The following KCNG2 variants were observed in gnomAD, a reference collection of about 807,000 sequenced individuals.
KCNG2 encodes the protein potassium voltage-gated channel modifier subfamily G member 2.
In KCNG2, 7 loss-of-function variants were observed where a neutral mutation model predicts 12.3. That is an observed-to-expected ratio of 0.57 (90% CI 0.32 to 1.07). The LOEUF (loss-of-function observed/expected upper bound fraction) is 1.07. Ranked by LOEUF, KCNG2 falls within the 50% of genes least tolerant of loss-of-function variation. The probability of loss-of-function intolerance (pLI) is 0.04; values close to 1 mark genes in which losing one functional copy is unlikely to be tolerated. For missense variants in KCNG2, 703 were observed against 726.0 expected, an observed-to-expected ratio of 0.97 and a Z score of 0.36; for synonymous variants, 414 against 351.4, an observed-to-expected ratio of 1.18 and a Z score of -1.99.
At chr18:79,881,652 T>G (rs923279569) in intron 3 of KCNG2, among the ~76,000 whole-genome samples, 2 of 152,202 alleles carry the variant, frequency 1.3e-5, no homozygotes, top group African/African-American at 4.8e-5. Flanking sequence ...CGCTGAAGAC[T>G]CGGTGTGACT....
At chr18:79,872,645 C>T (rs567543873) in intron 3 of KCNG2, among the ~76,000 whole-genome samples, 8 of 152,318 alleles carry the variant, frequency 5.3e-5, no homozygotes, top group Non-Finnish European at 8.8e-5. Flanking sequence ...CAGTACGAGG[C>T]GCAGTTGCGG....
intron 1 of KCNG2, among the ~76,000 whole-genome samples, chr18:79,832,651 T>C (rs1293373866): frequency 6.6e-6 from 1 of 152,190 alleles, no homozygotes; most frequent in Non-Finnish European, 1.5e-5. Flanking sequence ...GCCGTGCAGA[T>C]CATTCGCCCT....
At chr18:79,872,614 C>T (rs888536354) in intron 3 of KCNG2, among the ~76,000 whole-genome samples, 1 of 152,170 alleles carries the variant, frequency 6.6e-6, no homozygotes, top group African/African-American at 2.4e-5. Flanking sequence ...CCTCCCAGGT[C>T]TCCGGTCTCT....
chr18:79,879,908 G>A lies in KCNG2; in HGVS notation c.624+15617G>A, dbSNP rs765997910. ...AGGACAGGAAGGGGCCCCCTGGGTC[G>A]TAGGCGGGTGGCACTAAGCAGTTCT... On this transcript the variant is annotated intron_variant, in intron 3 of 3. Coordinates refer to ENST00000316249, the MANE Select transcript of KCNG2 (RefSeq NM_012283.2). Among the ~76,000 whole-genome samples, 7 of 152,332 alleles carry A rather than the reference G, an allele frequency of 4.6e-5. No homozygotes were observed. In the South Asian group the frequency reaches 1.0e-3, roughly 23 times the overall value.
chr18:79,831,831 C>T (rs1978297815), intron 1 of KCNG2, among the ~76,000 whole-genome samples: 1 of 152,210 alleles, frequency 6.6e-6, no homozygotes, highest in Non-Finnish European at 1.5e-5. Context: ...CGTCCTCCCA[C>T]CCCCACCCTT....
chr18:79,875,951 C>G (rs975029061), intron 3 of KCNG2: 1 of 152,398 alleles, frequency 6.6e-6, no homozygotes, highest in South Asian at 2.1e-4. Context: ...AGAACAGATT[C>G]TCCACTGCAC....
At chr18:79,843,561 T>C (rs1218325794) in intron 1 of KCNG2, among the ~76,000 whole-genome samples, 1 of 152,214 alleles carries the variant, frequency 6.6e-6, no homozygotes, top group Non-Finnish European at 1.5e-5. Flanking sequence ...GGATACATAA[T>C]ATATAATGTA....
chr18:79,829,004 A>G (rs1331371568), intron 1 of KCNG2, among the ~76,000 whole-genome samples: 1 of 93,668 alleles, frequency 1.1e-5, no homozygotes, highest in Non-Finnish European at 2.2e-5. Context: ...TAACATGTCC[A>G]TGATGTGTGC....
At chr18:79,887,848 C>G (rs1412602515) in intron 3 of KCNG2, among the ~76,000 whole-genome samples, 4 of 152,192 alleles carry the variant, frequency 2.6e-5, no homozygotes, top group Admixed American at 6.5e-5. Flanking sequence ...GGGATCCACG[C>G]AGCAGCCCAC....
Position 79,829,173 on chromosome 18 carries a change from C to G in KCNG2, c.-114-27206C>G, listed in dbSNP as rs910668886. Among the ~76,000 whole-genome samples the G allele has an allele frequency of 3.6e-5, 5 of 139,798 alleles. No individual in the cohort carries two copies. The South Asian group carries it at 1.2e-3, about 33-fold the overall frequency. 91.7% of individuals were successfully genotyped at this position (139,798 alleles called of 152,430 possible). A position where few individuals can be genotyped will look rare whatever the true frequency, so the allele number is the denominator to read the frequency against. ...CTATGTGTGCGTGTGTGTAACATGT[C>G]CATGATGTGTGCATGTGTCTGTGTG... On this transcript the variant is annotated intron_variant, in intron 1 of 3. Coordinates refer to ENST00000316249, the MANE Select transcript of KCNG2 (RefSeq NM_012283.2).
At position 79,884,364 on chromosome 18, in the gene KCNG2, C is replaced by T. The variant is rs947690032; in HGVS notation, c.625-14676C>T. Among the ~76,000 whole-genome samples, 1 of 152,224 alleles carries T rather than the reference C, an allele frequency of 6.6e-6. No individual in the cohort carries two copies. The highest frequency in any genetic ancestry group is 2.4e-5 in the African/African-American group (1 of 41,454). On this transcript the variant is annotated intron_variant, in intron 3 of 3. Coordinates refer to ENST00000316249, the MANE Select transcript of KCNG2 (RefSeq NM_012283.2). The surrounding 1 kb of genome is among the most constrained non-coding windows in gnomAD (Gnocchi z 5.5). ...CAGTCCTTCAAGGAGGCCCCCAGCT[C>T]TGCAGCCCCCACCACTGCTGGATTC...
At chr18:79,801,321 G>A (rs2087408155) in intron 1 of KCNG2, among the ~76,000 whole-genome samples, 1 of 152,268 alleles carries the variant, frequency 6.6e-6, no homozygotes, top group African/African-American at 2.4e-5. Context: ...ACCGGTACCT[G>A]TGAAGGCCTC....
chr18:79,870,486 G>A (rs1979786867), intron 3 of KCNG2, among the ~76,000 whole-genome samples: 1 of 152,124 alleles, frequency 6.6e-6, no homozygotes, highest in Non-Finnish European at 1.5e-5. Flanking sequence ...CCAGAGCTGC[G>A]CGCTCCCTCT....
At chr18:79,869,344 C>G (rs907735392) in intron 3 of KCNG2, among the ~76,000 whole-genome samples, 7 of 152,172 alleles carry the variant, frequency 4.6e-5, no homozygotes, top group African/African-American at 1.7e-4. Flanking sequence ...AAATAGGAAG[C>G]CTCAGTTATG....
intron 1 of KCNG2, among the ~76,000 whole-genome samples, chr18:79,854,530 CT>C (rs71163836): frequency 4.4e-5 from 6 of 135,814 alleles, no homozygotes; most frequent in African/African-American, 1.4e-4. Context: ...CTTTCATTGG[CT>C]TTTTTTTTTT....
At chr18:79,811,863 G>A (rs1468490180) in intron 1 of KCNG2, among the ~76,000 whole-genome samples, 1 of 152,188 alleles carries the variant, frequency 6.6e-6, no homozygotes, top group Non-Finnish European at 1.5e-5. Flanking sequence ...CAGTAAAGGG[G>A]AGATCACGCT....
At chr18:79,814,972 C>T (rs1008533900) in intron 1 of KCNG2, among the ~76,000 whole-genome samples, 18 of 149,540 alleles carry the variant, frequency 1.2e-4, no homozygotes, top group Non-Finnish European at 2.2e-4. Context: ...CAAATATAAA[C>T]AGATTAGGGT....
intron 1 of KCNG2, among the ~76,000 whole-genome samples, chr18:79,847,285 G>A (rs1450062201): frequency 1.3e-5 from 2 of 152,168 alleles, no homozygotes; most frequent in East Asian, 1.9e-4. Flanking sequence ...GTTTGGGGTC[G>A]GATAGCTTTG....
intron 3 of KCNG2, among the ~76,000 whole-genome samples, chr18:79,896,522 G>T (rs908427473): frequency 6.6e-6 from 1 of 152,132 alleles, no homozygotes; most frequent in Non-Finnish European, 1.5e-5. Flanking sequence ...CACCTCCTTT[G>T]TGCTTTTATT....
Sources: allele counts gnomAD v4.1 joint callset (sites outside exome capture counted in the v4.1 genomes callset), GRCh38; gene constraint gnomAD v4.1.1; non-coding constraint Gnocchi (gnomAD v3.1); transcripts MANE v1.5; gene names NCBI Gene and HGNC (gene_info 2026-07-23, HGNC 2026-07-21).